Variants in DSN1 observed in about 807,000 individuals in gnomAD.
The protein encoded by DSN1 is DSN1 component of MIS12 kinetochore complex.
In DSN1, 31 loss-of-function variants were observed where a neutral mutation model predicts 45.7. That is an observed-to-expected ratio of 0.68 (90% CI 0.51 to 0.92). DSN1 has a LOEUF of 0.92. Among genes scored for constraint, DSN1 ranks in the 40% least tolerant of loss-of-function variants. The pLI is 0.00. For synonymous variants in DSN1, 134 were observed against 142.3 expected, an observed-to-expected ratio of 0.94 and a Z score of 0.41; for missense variants, 394 against 414.2, an observed-to-expected ratio of 0.95 and a Z score of 0.42.
intron 5 of DSN1, 39 bp from the exon 6 acceptor site, chr20:36,762,587 A>G: frequency 1.3e-6 from 2 of 1,579,158 alleles, no homozygotes; most frequent in Non-Finnish European, 1.7e-6. Flanking sequence ...AATAAAGGAA[A>G]TATACGTTTT....
At chr20:36,765,797 CAA>C (rs755780265) in intron 5 of DSN1, among the ~76,000 whole-genome samples, 2 of 45,120 alleles carry the variant, frequency 4.4e-5, no homozygotes, top group Admixed American at 2.7e-4. Flanking sequence ...GAGTCTGTCT[CAA>C]AAAAAAAAAA....
At chr20:36,758,051 G>A (rs774026836) in intron 8 of DSN1, 36 bp downstream of exon 8, 1 of 1,579,518 alleles carries the variant, frequency 6.3e-7, no homozygotes, top group Non-Finnish European at 8.7e-7. Flanking sequence ...AACTCCATAA[G>A]ATTTTTAAAG....
intron 3 of DSN1, among the ~76,000 whole-genome samples, chr20:36,768,864 C>A (rs1257266639): frequency 6.6e-6 from 1 of 152,196 alleles, no homozygotes; most frequent in Non-Finnish European, 1.5e-5. Flanking sequence ...CCAAGTCTCT[C>A]ACCGATATCT....
intron 10 of DSN1, among the ~76,000 whole-genome samples, chr20:36,753,228 C>A (rs1986470566): frequency 6.6e-6 from 1 of 151,476 alleles, no homozygotes; most frequent in Non-Finnish European, 1.5e-5. Context: ...CACGATCCTC[C>A]AACTACATGG....
chr20:36,768,168 G>A (rs1987451761), intron 3 of DSN1, 126 bp from the exon 4 acceptor site: 1 of 811,376 alleles, frequency 1.2e-6, no homozygotes, highest in African/African-American at 1.7e-5. Context: ...TTTAGTTAAA[G>A]ACAGAATTCT....
chr20:36,759,378 A>G (rs1378393039), intron 6 of DSN1, among the ~76,000 whole-genome samples: 1 of 152,170 alleles, frequency 6.6e-6, no homozygotes, highest in African/African-American at 2.4e-5. Context: ...GTCTCCCAAA[A>G]TGCTCAGATT....
chr20:36,767,833 C>T (rs890953537), intron 4 of DSN1, 136 bp downstream of exon 4: 43 of 771,438 alleles, frequency 5.6e-5, no homozygotes, highest in Middle Eastern at 2.6e-4. Context: ...ACCTGGGAGG[C>T]GGAGGTTGCA....
chr20:36,759,725 C>T (rs1050765015), intron 6 of DSN1, among the ~76,000 whole-genome samples: 6 of 151,740 alleles, frequency 4.0e-5, no homozygotes, highest in East Asian at 2.0e-4. Context: ...CCTCGTGATC[C>T]GCCCGCCTCG....
chr20:36,762,601 A>G, intron 5 of DSN1, 53 bp from the exon 6 acceptor site: 5 of 1,526,686 alleles, frequency 3.3e-6, no homozygotes, highest in Non-Finnish European at 4.5e-6. Context: ...ACGTTTTCAT[A>G]GTGAGATGCT....
chr20:36,762,865 C>T (rs1205778903), intron 5 of DSN1, among the ~76,000 whole-genome samples: 2 of 152,108 alleles, frequency 1.3e-5, no homozygotes, highest in South Asian at 2.1e-4. Flanking sequence ...AATATAACCC[C>T]CGCCTCAGCC....
intron 7 of DSN1, 134 bp from the exon 8 acceptor site, chr20:36,758,295 G>A (rs1986783534): frequency 1.2e-6 from 1 of 868,654 alleles, no homozygotes; most frequent in Non-Finnish European, 1.8e-6. Flanking sequence ...GGGTTAGAAA[G>A]CCTGACCAAT....
chr20:36,770,385 C>T (rs1156875766), intron 3 of DSN1, among the ~76,000 whole-genome samples: 1 of 152,156 alleles, frequency 6.6e-6, no homozygotes, highest in Non-Finnish European at 1.5e-5. Context: ...TTTGTATGTG[C>T]ATCTTCCCTC....
intron 4 of DSN1, 113 bp from the exon 5 acceptor site, chr20:36,766,954 TA>T: frequency 1.5e-6 from 1 of 657,216 alleles, no homozygotes; most frequent in East Asian, 3.2e-5. Flanking sequence ...AAATATGATG[TA>T]ATTTTTACAC....
At chr20:36,765,684 G>A (rs1383729906) in intron 5 of DSN1, among the ~76,000 whole-genome samples, 1 of 151,708 alleles carries the variant, frequency 6.6e-6, no homozygotes, top group East Asian at 1.9e-4. Flanking sequence ...TGTAGTCCCA[G>A]CTATTCGGGA....
rs1356171541 is a variant in DSN1 at position 36,771,038 on chromosome 20, T to C, written c.190A>G (p.Asn64Asp). The C allele has an allele frequency of 2.5e-6, 4 of 1,614,040 alleles. No individual in the cohort carries two copies. Among genetic ancestry groups the C allele is most frequent in the Non-Finnish European group, 3.4e-6 (4 of 1,180,052 alleles). ...CTTTCCTGGTGGCTGAGATCACAAT[T>C]TCCCCCTTTTTTAGGGCTAGAGCCA... ...HLGSSPKKGG[N>D]CDLSHQERLQ... The change falls in exon 3 of 11, where the codon AAT becomes GAT. Residue 64 changes from asparagine to aspartate, a missense_variant. Transcript: ENST00000373750.
intron 10 of DSN1, among the ~76,000 whole-genome samples, chr20:36,754,246 G>A (rs1348190009): frequency 2.6e-5 from 4 of 152,022 alleles, no homozygotes; most frequent in Non-Finnish European, 4.4e-5. Flanking sequence ...GAGGTGAAAG[G>A]ACTGCTTGAG....
At position 36,769,902 on chromosome 20, in the gene DSN1, TACACACACACACACAC is replaced by T. The variant is rs66970744; in HGVS notation, c.355+955_355+970del. On this transcript the variant is annotated intron_variant, in intron 3 of 10. Coordinates refer to ENST00000373750, the MANE Select transcript of DSN1 (RefSeq NM_001145315.2). ...CCTAAAAACTGTTTTTCACTGTAGA[TACACACACACACACAC>T]ACACACACACACACACACACACAGA... Among the ~76,000 whole-genome samples the T allele has an allele frequency of 3.2e-4, 38 of 117,334 alleles. No homozygotes were observed. In the East Asian group the frequency reaches 5.5e-3, roughly 17 times the overall value. 77.0% of individuals were successfully genotyped at this position (117,334 alleles called of 152,430 possible).
At chr20:36,756,385 G>A (rs943902204) in intron 8 of DSN1, among the ~76,000 whole-genome samples, 4 of 152,042 alleles carry the variant, frequency 2.6e-5, no homozygotes, top group African/African-American at 9.7e-5. Flanking sequence ...TAATAGTAAG[G>A]TCCATATACC....
intron 3 of DSN1, among the ~76,000 whole-genome samples, chr20:36,769,902 T>TACACACACACACACACACAC (rs66970744): frequency 1.7e-5 from 2 of 117,268 alleles, no homozygotes; most frequent in Non-Finnish European, 1.7e-5. Flanking sequence ...TCACTGTAGA[T>TACACACACACACACACACAC]ACACACACAC....
Sources: allele counts gnomAD v4.1 joint callset (sites outside exome capture counted in the v4.1 genomes callset), GRCh38; gene constraint gnomAD v4.1.1; transcripts MANE v1.5; gene names NCBI Gene and HGNC (gene_info 2026-07-23, HGNC 2026-07-21).